PRIMPOL: variants seen among roughly 807,000 people sequenced by gnomAD.
PRIMPOL encodes the protein DNA-directed primase/polymerase protein.
PRIMPOL carries 54 observed loss-of-function variants against 63.6 expected under a neutral mutation model. The observed-to-expected ratio is 0.85, with a 90% CI of 0.68 to 1.07. The LOEUF is 1.07. Among genes scored for constraint, PRIMPOL ranks in the 50% least tolerant of loss-of-function variants. The probability of loss-of-function intolerance (pLI) is 0.00; values close to 1 mark genes in which losing one functional copy is unlikely to be tolerated. For missense variants in PRIMPOL, 610 were observed against 648.3 expected (o/e 0.94, Z 0.64); for synonymous variants, 197 against 220.2 (o/e 0.89, Z 0.93).
intron 11 of PRIMPOL, among the ~76,000 whole-genome samples, chr4:184,686,146 A>G (rs1296977816): frequency 1.3e-5 from 2 of 152,196 alleles, no homozygotes; most frequent in Non-Finnish European, 2.9e-5. Flanking sequence ...ATTACATAAT[A>G]TTTAATTTAA....
At chr4:184,669,175 CTG>C (rs1314172171) in intron 6 of PRIMPOL, among the ~76,000 whole-genome samples, 1 of 152,198 alleles carries the variant, frequency 6.6e-6, no homozygotes, top group Non-Finnish European at 1.5e-5. Context: ...GTGCCAGGCA[CTG>C]TGCTAAGTCC....
rs1275759571 is a variant in PRIMPOL at position 184,682,329 on chromosome 4, C to G, written c.1089C>G (p.Gly363=). The change falls in exon 9 of 14, where the codon GGC becomes GGG. Residue 363 remains glycine (G), a synonymous_variant. Transcript: ENST00000314970. The stretch of plus-strand genomic sequence containing the variant: ...GAGTTGGATATTTTAACAGTATCGG[C>G]ACTTCAGGTAAATTTTTTGATGTTT... ...QKGVGYFNSI[G]TSVETIEGFQ... The G allele has an allele frequency of 6.4e-7, 1 of 1,564,566 alleles. No individual in the cohort carries two copies. Among genetic ancestry groups the G allele is most frequent in the East Asian group, 2.2e-5 (1 of 44,502 alleles).
At chr4:184,651,298 AG>A (rs1244619275) in intron 1 of PRIMPOL, among the ~76,000 whole-genome samples, 14 of 152,106 alleles carry the variant, frequency 9.2e-5, no homozygotes, top group Admixed American at 7.9e-4. Context: ...CTCAAAAAAA[AG>A]AAAAAAAAGG....
chr4:184,676,388 C>T, intron 7 of PRIMPOL, among the ~76,000 whole-genome samples: 1 of 88,074 alleles, frequency 1.1e-5, no homozygotes, highest in African/African-American at 5.8e-5. Context: ...CCCTTCCTTT[C>T]CCTTCCCTTC....
chr4:184,680,389 T>C (rs1374968497), intron 8 of PRIMPOL, among the ~76,000 whole-genome samples: 1 of 152,128 alleles, frequency 6.6e-6, no homozygotes, highest in East Asian at 1.9e-4. Flanking sequence ...GGTTTCCCCA[T>C]GTTGGGGGGG....
intron 7 of PRIMPOL, among the ~76,000 whole-genome samples, chr4:184,676,168 G>A (rs1753265810): frequency 6.6e-6 from 1 of 151,826 alleles, no homozygotes; most frequent in Non-Finnish European, 1.5e-5. Context: ...AGGCTGAAGT[G>A]CAGTGGTGCA....
At chr4:184,682,139 CAA>C in intron 8 of PRIMPOL, 107 bp from the exon 9 acceptor site, 2 of 574,406 alleles carry the variant, frequency 3.5e-6, no homozygotes, top group South Asian at 5.2e-5. Flanking sequence ...ATCTGCTGAA[CAA>C]AGGATTTTAA....
intron 7 of PRIMPOL, among the ~76,000 whole-genome samples, chr4:184,673,187 T>C (rs867290576): frequency 5.4e-4 from 81 of 150,398 alleles, no homozygotes; most frequent in Non-Finnish European, 7.7e-4. Context: ...CGGACTGCAG[T>C]GGCACAATCT....
In PRIMPOL at chr4:184,694,726, A is replaced by G. The variant is rs780132015; in HGVS notation, c.1630A>G (p.Ser544Gly). 1.2e-6 allele frequency: 2 copies of G among 1,610,302 alleles called. No individual in the cohort carries two copies. Among genetic ancestry groups the G allele is most frequent in the Non-Finnish European group, 1.7e-6 (2 of 1,176,430 alleles). Reference sequence around the variant, plus strand: ...AGAGAACAGTCTTCTCAGTTATAACAGTGAAGTGGATGAAATTCCTGATGA... The same window carrying G: ...AGAGAACAGTCTTCTCAGTTATAACGGTGAAGTGGATGAAATTCCTGATGA... ...AAENSLLSYN[S>G]EVDEIPDELI... Residue 544 changes from serine (S) to glycine (G), a missense_variant, in exon 14 of 14, where the codon AGT (serine) becomes GGT (glycine). Ser to Gly is a moderately conservative substitution (Grantham distance 56). Coordinates refer to ENST00000314970, the MANE Select transcript of PRIMPOL (RefSeq NM_152683.4).
At chr4:184,682,783 C>T (rs1755974481) in intron 9 of PRIMPOL, among the ~76,000 whole-genome samples, 1 of 152,186 alleles carries the variant, frequency 6.6e-6, no homozygotes, top group Non-Finnish European at 1.5e-5. Flanking sequence ...AGCACAGGGG[C>T]TCACACCTGT....
intron 11 of PRIMPOL, among the ~76,000 whole-genome samples, chr4:184,686,601 T>C (rs1276469780): frequency 1.3e-5 from 2 of 152,050 alleles, no homozygotes; most frequent in African/African-American, 4.8e-5. Flanking sequence ...AAGGATGTGA[T>C]TAGAATAGAG....
At chr4:184,673,987 C>G (rs2310102) in intron 7 of PRIMPOL, among the ~76,000 whole-genome samples, 131,343 of 152,192 alleles carry the variant, frequency 0.86, 56,781 homozygotes, top group East Asian at 1. Context: ...TGCTTTATTA[C>G]CAGAATATCA....
At chr4:184,656,588 CAG>C (rs1050014884) in intron 2 of PRIMPOL, among the ~76,000 whole-genome samples, 3 of 152,012 alleles carry the variant, frequency 2.0e-5, no homozygotes, top group Non-Finnish European at 4.4e-5. Flanking sequence ...TGGACAGAAA[CAG>C]AGGAAAAGGG....
At position 184,678,396 on chromosome 4, in the gene PRIMPOL, T is replaced by C; in HGVS notation, c.1007+2T>C. On this transcript the variant is annotated splice_donor_variant, in intron 8 of 13. Transcript: ENST00000314970. LOFTEE classifies it high-confidence loss of function. The stretch of plus-strand genomic sequence containing the variant: ...CTCTTCTTTGGTCAGCAATGTCAGG[T>C]ATGTAGTAGCAGCATCAAACCATTT... The C allele has an allele frequency of 1.3e-6, 2 of 1,598,130 alleles. No homozygotes were observed. Among genetic ancestry groups the C allele is most frequent in the Non-Finnish European group, 1.7e-6 (2 of 1,173,760 alleles).
At position 184,682,375 on chromosome 4, in the gene PRIMPOL, A is replaced by G. The variant is rs201413067; in HGVS notation, c.1096+39A>G. 5.7e-5 allele frequency: 64 copies of G among 1,121,168 alleles called. No individual in the cohort carries two copies. In the African/African-American group the frequency reaches 8.0e-4, roughly 14 times the overall value. The allele number at this position is 1,121,168 out of a possible 1,614,324, so 69.5% of individuals were successfully genotyped here. A position where few individuals can be genotyped will look rare whatever the true frequency, so the allele number is the denominator to read the frequency against. ...TGTTTGTTTTTCTTTTTGAGACAGC[A>G]TCTCTCATTGTCACCCAGGCTGGAG... On this transcript the variant is annotated intron_variant, in intron 9 of 13. Transcript: ENST00000314970.
intron 6 of PRIMPOL, among the ~76,000 whole-genome samples, chr4:184,668,854 A>G (rs1310769780): frequency 3.3e-5 from 5 of 151,364 alleles, no homozygotes; most frequent in Non-Finnish European, 7.4e-5. Flanking sequence ...AGCCCATAAT[A>G]AAAATATCAT....
chr4:184,679,855 A>G (rs1755132574), intron 8 of PRIMPOL, among the ~76,000 whole-genome samples: 1 of 152,198 alleles, frequency 6.6e-6, no homozygotes, highest in African/African-American at 2.4e-5. Context: ...TCTGAGGTGG[A>G]ACAGTTTCAG....
intron 11 of PRIMPOL, among the ~76,000 whole-genome samples, chr4:184,687,740 G>A (rs139879658): frequency 0.1 from 15,263 of 152,086 alleles, 1,412 homozygotes; most frequent in East Asian, 0.47. Flanking sequence ...TCAGCCTCCC[G>A]AGTAGCTGGG....
chr4:184,682,883 C>T (rs1756014082), intron 9 of PRIMPOL, among the ~76,000 whole-genome samples: 1 of 147,394 alleles, frequency 6.8e-6, no homozygotes, highest in South Asian at 2.1e-4. Flanking sequence ...AACCCTATCT[C>T]TACAAAAAAT....
Sources: allele counts gnomAD v4.1 joint callset (sites outside exome capture counted in the v4.1 genomes callset), GRCh38; gene constraint gnomAD v4.1.1; transcripts MANE v1.5; gene names NCBI Gene and HGNC (gene_info 2026-07-23, HGNC 2026-07-21).